The following DNAI3 variants were observed in gnomAD, a reference collection of about 807,000 sequenced individuals.
DNAI3 encodes dynein axonemal intermediate chain 3, also known as WD repeat domain 63.
A neutral mutation model predicts 115.5 loss-of-function variants in DNAI3; 83 were observed. The observed-to-expected ratio is 0.72, with a 90% confidence interval of 0.60 to 0.86. DNAI3 has a LOEUF of 0.86. Ranked by LOEUF, DNAI3 falls within the 40% of genes least tolerant of loss-of-function variation. The probability of loss-of-function intolerance (pLI) is 0.00; values close to 1 mark genes in which losing one functional copy is unlikely to be tolerated. For synonymous variants in DNAI3, 320 were observed against 347.0 expected (o/e 0.92, Z 0.86); for missense variants, 1,004 against 1,075.8 (o/e 0.93, Z 0.93).
At chr1:85,083,586 C>T (rs1557710317) in intron 5 of DNAI3, among the ~76,000 whole-genome samples, 1 of 151,864 alleles carries the variant, frequency 6.6e-6, no homozygotes, top group East Asian at 1.9e-4. Context: ...GATTGTTGTT[C>T]TGTTTTTAAT....
At chr1:85,131,370 G>C (rs1345276043) in intron 22 of DNAI3, among the ~76,000 whole-genome samples, 1 of 151,020 alleles carries the variant, frequency 6.6e-6, no homozygotes, top group Non-Finnish European at 1.5e-5. Context: ...CTTGAACCTG[G>C]GAGGCGGAGG....
intron 11 of DNAI3, 97 bp downstream of exon 11, chr1:85,096,117 A>G: frequency 9.1e-7 from 1 of 1,100,654 alleles, no homozygotes; most frequent in Non-Finnish European, 1.4e-6. Flanking sequence ...GATTCAATTC[A>G]GCAGAAGGAA....
At chr1:85,127,813 A>G (rs1198147967) in intron 20 of DNAI3, among the ~76,000 whole-genome samples, 1 of 152,168 alleles carries the variant, frequency 6.6e-6, no homozygotes, top group African/African-American at 2.4e-5. Context: ...ACACAGTGAG[A>G]TAGAAAATTA....
At chr1:85,073,602 A>C (rs1230201901) in intron 3 of DNAI3, among the ~76,000 whole-genome samples, 2 of 152,194 alleles carry the variant, frequency 1.3e-5, no homozygotes, top group African/African-American at 2.4e-5. Flanking sequence ...CTTAGAGTTG[A>C]CTTAGATGAC....
chr1:85,070,192 C>A (rs536064744), intron 1 of DNAI3, among the ~76,000 whole-genome samples: 1 of 151,906 alleles, frequency 6.6e-6, no homozygotes, highest in East Asian at 1.9e-4. Context: ...ACCTGGGAAG[C>A]GGAGGTTGCG....
chr1:85,073,675 C>T (rs777903857), intron 3 of DNAI3, among the ~76,000 whole-genome samples: 1 of 152,086 alleles, frequency 6.6e-6, no homozygotes, highest in African/African-American at 2.4e-5. Flanking sequence ...ACCTAAAAGC[C>T]CTGTAGGCCA....
chr1:85,107,495 A>G (rs1024868625), intron 14 of DNAI3, among the ~76,000 whole-genome samples: 4 of 152,358 alleles, frequency 2.6e-5, no homozygotes, highest in Middle Eastern at 3.4e-3. Flanking sequence ...AAGACCATAT[A>G]TGATTCATTT....
At chr1:85,128,429 A>G (rs1461307794) in intron 20 of DNAI3, among the ~76,000 whole-genome samples, 1 of 152,224 alleles carries the variant, frequency 6.6e-6, no homozygotes, top group Non-Finnish European at 1.5e-5. Flanking sequence ...AACTTCAGCC[A>G]GGAGCCACAT....
At chr1:85,073,200 A>T in intron 3 of DNAI3, 108 bp downstream of exon 3, 1 of 715,216 alleles carries the variant, frequency 1.4e-6, no homozygotes, top group Non-Finnish European at 2.1e-6. Context: ...CAAAATGTAC[A>T]TGGGCTAAAA....
chr1:85,112,215 C>T (rs562068617), intron 16 of DNAI3, among the ~76,000 whole-genome samples: 86 of 152,238 alleles, frequency 5.6e-4, no homozygotes, highest in Admixed American at 1.8e-3. Context: ...CCACATGCAG[C>T]AATCTGGCTT....
chr1:85,130,050 C>T lies in DNAI3; in HGVS notation c.2470C>T (p.Arg824Cys), dbSNP rs146618100. The T allele has an allele frequency of 1.8e-5, 29 of 1,613,074 alleles. No individual in the cohort carries two copies. Among genetic ancestry groups the T allele is most frequent in the Admixed American group, 6.7e-5 (4 of 59,920 alleles). ...EVKHLEYVEQ[R>C]KKIREQEKKE... ...CAAGCATCTGGAATACGTAGAACAG[C>T]GCAAAAAAATTCGTGAGCAAGAAAA... The change falls in exon 22 of 23, where the codon CGC becomes TGC. Residue 824 changes from arginine to cysteine, a missense_variant. Transcript: ENST00000294664.
At chr1:85,100,813 G>T (rs960901265) in intron 13 of DNAI3, among the ~76,000 whole-genome samples, 2 of 152,190 alleles carry the variant, frequency 1.3e-5, no homozygotes, top group African/African-American at 4.8e-5. Context: ...ATGAGTTCAT[G>T]TCCTTTGTAG....
intron 7 of DNAI3, among the ~76,000 whole-genome samples, chr1:85,087,472 A>G (rs1343978030): frequency 3.3e-5 from 5 of 151,428 alleles, no homozygotes; most frequent in Admixed American, 6.6e-5. Flanking sequence ...AAGAAAGAAA[A>G]AAAAAGGCAA....
intron 11 of DNAI3, among the ~76,000 whole-genome samples, chr1:85,096,337 GA>G (rs1315212587): frequency 2.6e-5 from 4 of 151,518 alleles, no homozygotes; most frequent in East Asian, 3.9e-4. Context: ...CTACCTCTTG[GA>G]AAAAAAGGCC....
At chr1:85,090,890 G>A (rs564192471) in intron 8 of DNAI3, among the ~76,000 whole-genome samples, 1 of 152,138 alleles carries the variant, frequency 6.6e-6, no homozygotes, top group Non-Finnish European at 1.5e-5. Context: ...ATACTCAATA[G>A]GCTGGTTTCT....
chr1:85,094,319 C>G, intron 9 of DNAI3, 112 bp from the exon 10 acceptor site: 1 of 1,421,458 alleles, frequency 7.0e-7, no homozygotes. Flanking sequence ...AACTCTTGCT[C>G]TCCTGTGGAC....
At chr1:85,108,470 T>C (rs1655556869) in intron 15 of DNAI3, among the ~76,000 whole-genome samples, 1 of 152,198 alleles carries the variant, frequency 6.6e-6, no homozygotes, top group Admixed American at 6.5e-5. Flanking sequence ...TTTGGAAAGC[T>C]GACAATGAAG....
chr1:85,070,762 A>G (rs925763646), intron 1 of DNAI3, among the ~76,000 whole-genome samples: 2 of 152,374 alleles, frequency 1.3e-5, no homozygotes, highest in South Asian at 4.1e-4. Flanking sequence ...ATGTCAATAA[A>G]AATGTTTTAA....
intron 12 of DNAI3, among the ~76,000 whole-genome samples, chr1:85,097,999 G>A (rs921993196): frequency 1.4e-4 from 22 of 152,264 alleles, no homozygotes; most frequent in South Asian, 4.1e-4. Context: ...GCTGTGGACC[G>A]TAGTCCTGTG....
Sources: gnomAD v4.1 joint callset for allele counts (sites outside exome capture counted in the v4.1 genomes callset) on GRCh38, gnomAD v4.1.1 for gene constraint, MANE v1.5 for transcripts, NCBI Gene and HGNC (gene_info 2026-07-23, HGNC 2026-07-21) for gene names.